CCNY: variants seen among roughly 807,000 people sequenced by gnomAD.
CCNY encodes the protein cyclin-Y.
Under a neutral mutation model 42.8 loss-of-function variants are expected in CCNY, and 19 were observed. That is an observed-to-expected ratio of 0.44 (90% CI 0.31 to 0.65). The LOEUF (loss-of-function observed/expected upper bound fraction) is 0.65. Among genes scored for constraint, CCNY ranks in the 30% least tolerant of loss-of-function variants. CCNY has a pLI of 0.07. For synonymous variants in CCNY, 165 were observed against 162.7 expected (o/e 1.01, Z -0.11); for missense variants, 370 against 437.3 (o/e 0.85, Z 1.37).
At chr10:35,273,207 C>T (rs960752976) in intron 3 of CCNY, among the ~76,000 whole-genome samples, 1 of 146,488 alleles carries the variant, frequency 6.8e-6, no homozygotes, top group Non-Finnish European at 1.5e-5. Context: ...TCTTAATTAA[C>T]TTTTTTTTTT....
intron 1 of CCNY, among the ~76,000 whole-genome samples, chr10:35,362,148 C>T (rs1422172684): frequency 6.6e-6 from 1 of 152,120 alleles, no homozygotes; most frequent in Non-Finnish European, 1.5e-5. Flanking sequence ...AATTGAAATC[C>T]AAAACACTTC....
At chr10:35,272,253 C>T (rs1835179208) in intron 3 of CCNY, among the ~76,000 whole-genome samples, 1 of 151,238 alleles carries the variant, frequency 6.6e-6, no homozygotes, top group Non-Finnish European at 1.5e-5. Flanking sequence ...TCCCAAAGTG[C>T]TGGGATTACA....
chr10:35,261,523 C>A (rs2095719608), intron 3 of CCNY, among the ~76,000 whole-genome samples: 1 of 151,764 alleles, frequency 6.6e-6, no homozygotes, highest in Admixed American at 6.6e-5. Context: ...CAGGCATGAG[C>A]CACCACACCT....
intron 1 of CCNY, chr10:35,455,410 G>A (rs2431059): frequency 0.97 from 148,404 of 152,264 alleles, 72,413 homozygotes; most frequent in Non-Finnish European, 1. Flanking sequence ...CAAGGGAAGA[G>A]AATGCTCTTC....
intron 1 of CCNY, among the ~76,000 whole-genome samples, chr10:35,384,124 A>G (rs1434054962): frequency 1.3e-5 from 2 of 152,210 alleles, no homozygotes; most frequent in Non-Finnish European, 2.9e-5. Flanking sequence ...TTTTAGCAGA[A>G]TAGCTATATA....
intron 7 of CCNY, among the ~76,000 whole-genome samples, chr10:35,545,569 C>T (rs1369087781): frequency 2.0e-5 from 3 of 152,182 alleles, no homozygotes; most frequent in Non-Finnish European, 4.4e-5. Context: ...CTAATGACCT[C>T]GTTTTAACTC....
intron 3 of CCNY, among the ~76,000 whole-genome samples, chr10:35,276,218 T>C (rs1036312710): frequency 2.0e-5 from 3 of 152,192 alleles, no homozygotes; most frequent in Non-Finnish European, 4.4e-5. Context: ...GTAAGCCCTA[T>C]TCTTTGCTCT....
chr10:35,436,268 T>G lies in CCNY; in HGVS notation c.155-47136T>G, dbSNP rs574614856. On this transcript the variant is annotated intron_variant, in intron 1 of 9. Coordinates refer to ENST00000374704, the MANE Select transcript of CCNY (RefSeq NM_145012.6). ...TGTGTGCGGTGGTGGGATGCAGTGT[T>G]CACAATTTCCTGGTGAGCTGATCCT... Among the ~76,000 whole-genome samples, 241 of 152,150 alleles carry G rather than the reference T, an allele frequency of 1.6e-3. 1 individual carries two copies. The highest frequency in any genetic ancestry group is 3.1e-3 in the Non-Finnish European group (211 of 68,028).
chr10:35,466,223 G>A (rs1839267264), intron 1 of CCNY, among the ~76,000 whole-genome samples: 1 of 152,062 alleles, frequency 6.6e-6, no homozygotes. Context: ...AGAGAGGCAC[G>A]GAAGTGAGCC....
intron 1 of CCNY, among the ~76,000 whole-genome samples, chr10:35,400,350 C>A (rs1271367686): frequency 6.6e-6 from 1 of 152,084 alleles, no homozygotes; most frequent in East Asian, 1.9e-4. Flanking sequence ...TTTTCCCCCT[C>A]CCCTCACCTT....
intron 1 of CCNY, chr10:35,347,317 T>C (rs555232414): frequency 1.1e-4 from 33 of 291,556 alleles, no homozygotes; most frequent in African/African-American, 1.6e-4. Flanking sequence ...TGTTAGCAAC[T>C]ACAATCACAT....
intron 1 of CCNY, among the ~76,000 whole-genome samples, chr10:35,338,344 CTTTA>C (rs1364112097): frequency 2.6e-5 from 4 of 152,192 alleles, no homozygotes; most frequent in Admixed American, 6.5e-5. Flanking sequence ...AGGAGAGCAT[CTTTA>C]TTAAATGAGT....
intron 1 of CCNY, among the ~76,000 whole-genome samples, chr10:35,474,358 A>C (rs1839458174): frequency 6.6e-6 from 1 of 152,228 alleles, no homozygotes; most frequent in Admixed American, 6.5e-5. Context: ...ACAGACAAAC[A>C]AAAAGACAGC....
chr10:35,414,645 A>G (rs1305380807), intron 1 of CCNY, among the ~76,000 whole-genome samples: 1 of 152,232 alleles, frequency 6.6e-6, no homozygotes, highest in African/African-American at 2.4e-5. Context: ...TGCCTGCCAC[A>G]GAGTAGGACT....
At chr10:35,406,834 A>G (rs891278709) in intron 1 of CCNY, among the ~76,000 whole-genome samples, 1 of 151,226 alleles carries the variant, frequency 6.6e-6, no homozygotes, top group African/African-American at 2.4e-5. Flanking sequence ...CACCTCCCGG[A>G]TGGGGCGGCT....
At chr10:35,468,968 A>G (rs1426034065) in intron 1 of CCNY, among the ~76,000 whole-genome samples, 1 of 152,222 alleles carries the variant, frequency 6.6e-6, no homozygotes, top group African/African-American at 2.4e-5. Context: ...TGAGGGTTCT[A>G]GCTATATGTA....
chr10:35,391,344 G>A lies in CCNY; in HGVS notation c.154+54137G>A, dbSNP rs912988842. ...AGAGTGGCGGGGTGAGTAGTTTGGCGGGAAGGCCAGTTAAGAACAGGTAAC... is the reference window on the plus strand; with the variant it reads ...AGAGTGGCGGGGTGAGTAGTTTGGCAGGAAGGCCAGTTAAGAACAGGTAAC... On this transcript the variant is annotated intron_variant, in intron 1 of 9. Coordinates refer to ENST00000374704, the MANE Select transcript of CCNY (RefSeq NM_145012.6). 7.2e-5 allele frequency among the ~76,000 whole-genome samples: 11 copies of A among 152,222 alleles called. No individual in the cohort carries two copies. In the South Asian group the frequency reaches 1.2e-3, roughly 17 times the overall value.
At chr10:35,452,318 G>A (rs998982066) in intron 1 of CCNY, among the ~76,000 whole-genome samples, 2 of 152,164 alleles carry the variant, frequency 1.3e-5, no homozygotes, top group African/African-American at 4.8e-5. Context: ...GTTGGTCTCT[G>A]CATATACTTT....
chr10:35,312,638 G>C lies in CCNY; in HGVS notation c.-9+62012G>C, dbSNP rs145196757. ...CCTCCTAGTAAACCATCTCATCCTG[G>C]GGTATGTGCCTCTGCCCCCCATCTT... is the stretch of plus-strand genomic sequence containing the variant. On this transcript the variant is annotated intron_variant, in intron 3 of 11. Transcript: ENST00000374706. Among the ~76,000 whole-genome samples the C allele has an allele frequency of 1.6e-3, 243 of 152,020 alleles. 6 individuals carry two copies. The East Asian group carries it at 0.042, about 26-fold the overall frequency.
Sources: gnomAD v4.1 joint callset for allele counts (sites outside exome capture counted in the v4.1 genomes callset) on GRCh38, gnomAD v4.1.1 for gene constraint, MANE v1.5 for transcripts, NCBI Gene and HGNC (gene_info 2026-07-23, HGNC 2026-07-21) for gene names.